DENND6A: variants seen among roughly 807,000 people sequenced by gnomAD.
DENND6A encodes the protein protein DENND6A.
A neutral mutation model predicts 95.5 loss-of-function variants in DENND6A; 43 were observed. The ratio of observed to expected loss-of-function variants is 0.45; its 90% CI spans 0.35 to 0.58. The LOEUF (loss-of-function observed/expected upper bound fraction) is 0.58, where lower values mean the gene tolerates loss of function less well. Ranked by LOEUF, DENND6A falls within the 20% of genes least tolerant of loss-of-function variation. The pLI is 0.00. For synonymous variants in DENND6A, 257 were observed against 260.4 expected (o/e 0.99, Z 0.13); for missense variants, 574 against 736.0 (o/e 0.78, Z 2.55).
In DENND6A at chr3:57,647,992, T is replaced by C. The variant is rs571466565; in HGVS notation, c.819-1554A>G. On this transcript the variant is annotated intron_variant, in intron 9 of 19. Coordinates refer to ENST00000311128, the MANE Select transcript of DENND6A (RefSeq NM_152678.3). ...AAAACTATTAGCTTGGGGGACAAAGTTGCAGCAGAGTCCTAGCCAGAGCAA... is the reference window on the plus strand; with the variant it reads ...AAAACTATTAGCTTGGGGGACAAAGCTGCAGCAGAGTCCTAGCCAGAGCAA... Among the ~76,000 whole-genome samples, 6 of 151,942 alleles carry C rather than the reference T, an allele frequency of 3.9e-5. 1 individual carries two copies. The South Asian group carries it at 1.2e-3, about 32-fold the overall frequency.
chr3:57,654,958 TTA>T, intron 9 of DENND6A: 1 of 261,070 alleles, frequency 3.8e-6, no homozygotes, highest in Non-Finnish European at 6.0e-6. Flanking sequence ...TCATTAGATA[TTA>T]AATGCTTGAT....
intron 12 of DENND6A, among the ~76,000 whole-genome samples, chr3:57,641,136 G>T (rs1229536974): frequency 6.8e-6 from 1 of 147,124 alleles, no homozygotes; most frequent in East Asian, 2.0e-4. Context: ...TATATAGAAA[G>T]TTCTGTTTTA....
chr3:57,646,366 A>T lies in DENND6A; in HGVS notation c.891T>A (p.Val297=). 3 of 1,614,122 alleles carry T rather than the reference A, an allele frequency of 1.9e-6. No homozygotes were observed. The highest frequency in any genetic ancestry group is 2.5e-6 in the Non-Finnish European group (3 of 1,180,010). Reference sequence around the variant, plus strand: ...ATGATTCCGATGGTGATGGCGCCATAACCACAAGGGGCTCCCCCAACAGCA... The same window carrying T: ...ATGATTCCGATGGTGATGGCGCCATTACCACAAGGGGCTCCCCCAACAGCA... ...ELVLLGEPLV[V]MAPSPSESSE... The change falls in exon 10 of 20, where the codon GTT becomes GTA. Residue 297 remains valine, a synonymous_variant. Coordinates refer to ENST00000311128, the MANE Select transcript of DENND6A (RefSeq NM_152678.3).
chr3:57,631,995 T>G (rs2070691065), intron 15 of DENND6A, among the ~76,000 whole-genome samples: 1 of 146,218 alleles, frequency 6.8e-6, no homozygotes, highest in African/African-American at 2.5e-5. Context: ...GTGCTGGGAT[T>G]ACAGGCGTGA....
At position 57,627,993 on chromosome 3, in the gene DENND6A, C is replaced by T. The variant is rs1185538555; in HGVS notation, c.*221G>A. 10 of 485,592 alleles carry T rather than the reference C, an allele frequency of 2.1e-5. No homozygotes were observed. Among genetic ancestry groups the T allele is most frequent in the Non-Finnish European group, 3.1e-5 (9 of 291,036 alleles). 30.1% of individuals were successfully genotyped at this position (485,592 alleles called of 1,614,324 possible). Reference sequence around the variant, plus strand: ...TGATTAAAAATATAGAAATGCCTTTCGGTGTTTCAGTATTAAAGTGGAACC... The same window carrying T: ...TGATTAAAAATATAGAAATGCCTTTTGGTGTTTCAGTATTAAAGTGGAACC... On this transcript the variant is annotated 3_prime_UTR_variant, in exon 20 of 20. Coordinates refer to ENST00000311128, the MANE Select transcript of DENND6A (RefSeq NM_152678.3).
chr3:57,683,110 A>T (rs779161241), intron 1 of DENND6A, among the ~76,000 whole-genome samples: 1 of 152,194 alleles, frequency 6.6e-6, no homozygotes, highest in Non-Finnish European at 1.5e-5. Flanking sequence ...AAATGGTCCC[A>T]GTGCTCCTAT....
chr3:57,671,904 T>C (rs2071624057), intron 3 of DENND6A, among the ~76,000 whole-genome samples: 1 of 152,124 alleles, frequency 6.6e-6, no homozygotes, highest in Non-Finnish European at 1.5e-5. Context: ...TTTTACAGAG[T>C]TCCTGGTAAG....
At chr3:57,685,741 A>ATT (rs1559833676) in intron 1 of DENND6A, among the ~76,000 whole-genome samples, 9 of 148,514 alleles carry the variant, frequency 6.1e-5, no homozygotes, top group African/African-American at 2.3e-4. Context: ...TTTTTTTTAA[A>ATT]AAAAAATTTG....
At chr3:57,636,164 T>C (rs977800032) in intron 12 of DENND6A, among the ~76,000 whole-genome samples, 9 of 152,206 alleles carry the variant, frequency 5.9e-5, no homozygotes, top group African/African-American at 2.2e-4. Flanking sequence ...ACACAGATTT[T>C]CTACTACACA....
At chr3:57,660,225 G>A (rs1575844722) in intron 7 of DENND6A, among the ~76,000 whole-genome samples, 3 of 148,784 alleles carry the variant, frequency 2.0e-5, no homozygotes, top group Admixed American at 1.3e-4. Flanking sequence ...ACAGGGTCTC[G>A]CTTTTGTCCT....
At chr3:57,675,495 A>G (rs1205534650) in intron 1 of DENND6A, among the ~76,000 whole-genome samples, 1 of 152,260 alleles carries the variant, frequency 6.6e-6, no homozygotes, top group Non-Finnish European at 1.5e-5. Context: ...AATTATCTGC[A>G]GTTTAAGAAA....
At chr3:57,671,598 T>C (rs943202131) in intron 3 of DENND6A, among the ~76,000 whole-genome samples, 7 of 150,916 alleles carry the variant, frequency 4.6e-5, no homozygotes, top group South Asian at 2.1e-4. Flanking sequence ...GGGTTATAAC[T>C]GTGTGTGGCC....
chr3:57,685,484 C>A (rs989837951), intron 1 of DENND6A, among the ~76,000 whole-genome samples: 2 of 152,058 alleles, frequency 1.3e-5, no homozygotes, highest in African/African-American at 2.4e-5. Context: ...CATCCCAAAT[C>A]CAAAAACCTG....
Position 57,628,230 on chromosome 3 carries a change from T to G in DENND6A, c.1811A>C (p.Lys604Thr). 1 of 1,613,460 alleles carries G rather than the reference T, an allele frequency of 6.2e-7. No homozygotes were observed. Among genetic ancestry groups the G allele is most frequent in the Non-Finnish European group, 8.5e-7 (1 of 1,179,826 alleles). The change falls in exon 20 of 20, where the codon AAA becomes ACA. Residue 604 changes from lysine to threonine, a missense_variant. Lys to Thr is a moderately conservative substitution (Grantham distance 78). Around this residue, in one of 2 missense-constraint regions of DENND6A, gnomAD observed 452 missense variants for 630.9 expected, o/e 0.72. Coordinates refer to ENST00000311128, the MANE Select transcript of DENND6A (RefSeq NM_152678.3). ...LPEDLQGILL[K>T]TGMT Reference sequence around the variant, plus strand: ...TGGCAAATATCATGTCATGCCCGTTTTGAGCAGTATGCCTTGCAAGTCCTC... The same window carrying G: ...TGGCAAATATCATGTCATGCCCGTTGTGAGCAGTATGCCTTGCAAGTCCTC...
At chr3:57,649,445 G>C (rs1220867850) in intron 9 of DENND6A, among the ~76,000 whole-genome samples, 5 of 151,084 alleles carry the variant, frequency 3.3e-5, no homozygotes, top group Admixed American at 3.3e-4. Context: ...AAACCGTACA[G>C]AGATTCCTTA....
intron 1 of DENND6A, among the ~76,000 whole-genome samples, chr3:57,676,542 T>C (rs1490772709): frequency 6.6e-6 from 1 of 152,094 alleles, no homozygotes; most frequent in African/African-American, 2.4e-5. Flanking sequence ...TTAATAGTTA[T>C]ATGTACTGTA....
intron 10 of DENND6A, 127 bp downstream of exon 10, chr3:57,646,189 G>T: frequency 1.5e-6 from 2 of 1,325,938 alleles, no homozygotes; most frequent in Non-Finnish European, 2.0e-6. Flanking sequence ...TAGGGTTTTT[G>T]CATGGATCAA....
intron 1 of DENND6A, among the ~76,000 whole-genome samples, chr3:57,684,377 C>T (rs2077193239): frequency 1.3e-5 from 2 of 151,314 alleles, no homozygotes; most frequent in African/African-American, 2.4e-5. Flanking sequence ...GCAGGAGAAT[C>T]GCTGGAACTT....
chr3:57,645,854 G>A (rs1463652075), intron 10 of DENND6A, 98 bp from the exon 11 acceptor site: 1 of 758,512 alleles, frequency 1.3e-6, no homozygotes, highest in Non-Finnish European at 2.1e-6. Context: ...ACACACAAAG[G>A]GATACTTTGT....
Sources: gnomAD v4.1 joint callset for allele counts (sites outside exome capture counted in the v4.1 genomes callset) on GRCh38, gnomAD v4.1.1 for gene constraint, gnomAD v4.1.1 regional missense constraint, MANE v1.5 for transcripts, NCBI Gene and HGNC (gene_info 2026-07-23, HGNC 2026-07-21) for gene names.